The following GRIA2 variants were observed in gnomAD, a reference collection of about 807,000 sequenced individuals.
GRIA2 encodes glutamate receptor 2.
Under a neutral mutation model 97.3 loss-of-function variants are expected in GRIA2, and 14 were observed. The ratio of observed to expected loss-of-function variants is 0.14; its 90% CI spans 0.10 to 0.23. GRIA2 has a LOEUF of 0.23. Ranked by LOEUF, GRIA2 falls within the 10% of genes least tolerant of loss-of-function variation. The pLI is 1.00. For synonymous variants in GRIA2, 412 were observed against 387.8 expected (o/e 1.06, Z -0.73); for missense variants, 558 against 1,069.8 (o/e 0.52, Z 6.67).
chr4:157,329,919 G>T (rs1264885815), intron 6 of GRIA2, among the ~76,000 whole-genome samples: 2 of 151,914 alleles, frequency 1.3e-5, no homozygotes, highest in Non-Finnish European at 2.9e-5. Context: ...GAATCACAGA[G>T]ATCTGGATTC....
chr4:157,303,465 G>T, intron 2 of GRIA2, 87 bp from the exon 3 acceptor site: 1 of 1,072,892 alleles, frequency 9.3e-7, no homozygotes. Flanking sequence ...TGTATTTTAT[G>T]TAAAAGGACA....
At chr4:157,350,002 T>A (rs1735937847) in intron 12 of GRIA2, among the ~76,000 whole-genome samples, 1 of 152,188 alleles carries the variant, frequency 6.6e-6, no homozygotes, top group Non-Finnish European at 1.5e-5. Flanking sequence ...ATTGAGTTAA[T>A]CATCCAAACA....
intron 2 of GRIA2, among the ~76,000 whole-genome samples, chr4:157,293,504 A>G (rs1371643739): frequency 1.3e-5 from 2 of 151,978 alleles, no homozygotes; most frequent in East Asian, 1.9e-4. Flanking sequence ...AACAAATTCG[A>G]CTCTTACTAG....
At chr4:157,238,216 C>T (rs749008672) in intron 2 of GRIA2, among the ~76,000 whole-genome samples, 2 of 152,166 alleles carry the variant, frequency 1.3e-5, no homozygotes, top group African/African-American at 4.8e-5. Flanking sequence ...AAGTTACTTG[C>T]GTCAAGATAT....
intron 7 of GRIA2, 117 bp from the exon 8 acceptor site, chr4:157,333,132 G>C: frequency 1.1e-6 from 1 of 899,834 alleles, no homozygotes; most frequent in East Asian, 2.6e-5. Flanking sequence ...GTTGAAGAGA[G>C]AAACAAATAT....
rs892058584 is a variant in GRIA2, at chr4:157,336,610, C to T, written c.1707C>T (p.Pro569=). The change falls in exon 11 of 16, where the codon CCC becomes CCT. Residue 569 remains proline (P), a synonymous_variant. Coordinates refer to ENST00000264426, the MANE Select transcript of GRIA2 (RefSeq NM_001083619.3). ...VVLFLVSRFS[P]YEWHTEEFED... Reference sequence around the variant, plus strand: ...TATTCCTGGTCAGCAGATTTAGCCCCTACGAGTGGCACACTGAGGAGTTTG... The same window carrying T: ...TATTCCTGGTCAGCAGATTTAGCCCTTACGAGTGGCACACTGAGGAGTTTG... The T allele has an allele frequency of 6.2e-7, 1 of 1,613,438 alleles. No individual in the cohort carries two copies. Among genetic ancestry groups the T allele is most frequent in the Non-Finnish European group, 8.5e-7 (1 of 1,179,586 alleles).
intron 2 of GRIA2, among the ~76,000 whole-genome samples, chr4:157,263,980 A>G (rs575620968): frequency 6.6e-6 from 1 of 152,068 alleles, no homozygotes; most frequent in African/African-American, 2.4e-5. Flanking sequence ...TTTAAATATT[A>G]TCTTTTTTAG....
chr4:157,221,520 A>AC, intron 1 of GRIA2, 147 bp from the exon 2 acceptor site: 3 of 809,744 alleles, frequency 3.7e-6, no homozygotes, highest in Non-Finnish European at 6.0e-6. Flanking sequence ...TGGATATTCC[A>AC]CCCCCGCTGT....
intron 2 of GRIA2, among the ~76,000 whole-genome samples, chr4:157,275,033 T>A (rs1223362231): frequency 6.6e-6 from 1 of 151,918 alleles, no homozygotes; most frequent in Non-Finnish European, 1.5e-5. Flanking sequence ...GCGCCTGTTG[T>A]TTCCTGACTT....
intron 2 of GRIA2, 21 bp from the exon 3 acceptor site, chr4:157,303,531 C>T (rs780526028): frequency 6.2e-7 from 1 of 1,606,190 alleles, no homozygotes; most frequent in South Asian, 1.1e-5. Flanking sequence ...TTTTTCCTTT[C>T]TATTTTTCCT....
intron 12 of GRIA2, among the ~76,000 whole-genome samples, chr4:157,346,850 T>A (rs1267198207): frequency 6.6e-6 from 1 of 152,150 alleles, no homozygotes; most frequent in Non-Finnish European, 1.5e-5. Context: ...ATCCAGGAGA[T>A]GTTAAAATCA....
At chr4:157,331,209 T>G (rs1396162499) in intron 6 of GRIA2, among the ~76,000 whole-genome samples, 1 of 152,020 alleles carries the variant, frequency 6.6e-6, no homozygotes, top group Non-Finnish European at 1.5e-5. Context: ...ACTCTTAATG[T>G]GTGCATGCTC....
chr4:157,318,064 G>T (rs893966177), intron 5 of GRIA2, among the ~76,000 whole-genome samples: 2 of 151,934 alleles, frequency 1.3e-5, no homozygotes, highest in Non-Finnish European at 2.9e-5. Context: ...TTCCCACTTT[G>T]CATCTTCTAA....
rs762250802 is a variant in GRIA2, at chr4:157,361,377, C to A, written c.2406+253C>A. On this transcript the variant is annotated intron_variant, in intron 14 of 15. Coordinates refer to ENST00000264426, the MANE Select transcript of GRIA2 (RefSeq NM_001083619.3). This position sits in a 1 kb window ranked among gnomAD's most constrained non-coding sequence, Gnocchi z 5.2. ...TGTTGCACCTGCTGGTTACTTCCAG[C>A]GATACATTAATGCTCATTTGGCTCT... is the stretch of plus-strand genomic sequence containing the variant. 6.6e-6 allele frequency among the ~76,000 whole-genome samples: 1 copy of A among 152,138 alleles called. No homozygotes were observed. The highest frequency in any genetic ancestry group is 1.5e-5 in the Non-Finnish European group (1 of 68,036).
intron 3 of GRIA2, among the ~76,000 whole-genome samples, chr4:157,310,314 GGACAGAGGA>G (rs1286447074): frequency 6.6e-6 from 1 of 151,996 alleles, no homozygotes; most frequent in Non-Finnish European, 1.5e-5. Context: ...CCAGAAGACT[GGACAGAGGA>G]AACTAATTTC....
At chr4:157,309,017 A>C (rs76250609) in intron 3 of GRIA2, among the ~76,000 whole-genome samples, 1 of 152,164 alleles carries the variant, frequency 6.6e-6, no homozygotes, top group Non-Finnish European at 1.5e-5. Context: ...CTGAAAAAAA[A>C]CCACCTAGGG....
chr4:157,286,080 T>A (rs1025655273), intron 2 of GRIA2, among the ~76,000 whole-genome samples: 1 of 151,522 alleles, frequency 6.6e-6, no homozygotes, highest in Non-Finnish European at 1.5e-5. Context: ...TGTATCAACC[T>A]TTGTAAAAAT....
chr4:157,289,279 A>T (rs1405289652), intron 2 of GRIA2, among the ~76,000 whole-genome samples: 1 of 151,972 alleles, frequency 6.6e-6, no homozygotes, highest in Non-Finnish European at 1.5e-5. Flanking sequence ...TAATTAAAAA[A>T]TGTTTTTTGT....
At position 157,322,158 on chromosome 4, in the gene GRIA2, C is replaced by A. The variant is rs117642398; in HGVS notation, c.882+559C>A. Among the ~76,000 whole-genome samples, 502 of 151,608 alleles carry A rather than the reference C, an allele frequency of 3.3e-3. 8 individuals carry two copies. Among genetic ancestry groups the A allele is most frequent in the East Asian group, 0.02 (103 of 5,138 alleles). On this transcript the variant is annotated intron_variant, in intron 6 of 15. Transcript: ENST00000264426. ...TCCTAATCTTCAAAAAGCCAACTTGCAGACAGTTCTTAGTTCAGTCAATAA... is the reference window on the plus strand; with the variant it reads ...TCCTAATCTTCAAAAAGCCAACTTGAAGACAGTTCTTAGTTCAGTCAATAA...
Sources: gnomAD v4.1 joint callset for allele counts (sites outside exome capture counted in the v4.1 genomes callset) on GRCh38, gnomAD v4.1.1 for gene constraint, Gnocchi (gnomAD v3.1) non-coding constraint, MANE v1.5 for transcripts, NCBI Gene and HGNC (gene_info 2026-07-23, HGNC 2026-07-21) for gene names.